ACTN1: variants seen among roughly 807,000 people sequenced by gnomAD.
The protein encoded by ACTN1 is alpha-actinin-1.
Under a neutral mutation model 119.6 loss-of-function variants are expected in ACTN1, and 30 were observed. That is an observed-to-expected ratio of 0.25 (90% CI 0.19 to 0.34). The LOEUF (loss-of-function observed/expected upper bound fraction) is 0.34. ACTN1 is among the 10% of genes least tolerant of loss of function. The pLI is 1.00. For synonymous variants in ACTN1, 429 were observed against 472.6 expected (o/e 0.91, Z 1.20); for missense variants, 764 against 1,223.4 (o/e 0.62, Z 5.60).
rs769304752 is a variant in ACTN1 at position 68,878,919 on chromosome 14, A to G, written c.2361+70T>C. The G allele has an allele frequency of 6.2e-7, 1 of 1,608,156 alleles. No individual in the cohort carries two copies. The highest frequency in any genetic ancestry group is 2.2e-5 in the East Asian group (1 of 44,672). On this transcript the variant is annotated intron_variant, in intron 19 of 21. Coordinates refer to ENST00000394419, the MANE Select transcript of ACTN1 (RefSeq NM_001130004.2). This position sits in a 1 kb window ranked among gnomAD's most constrained non-coding sequence, Gnocchi z 4.4. Reference sequence around the variant, plus strand: ...AGGAGATCCAGACAGAGAGAAGAGAAAAAGGAAAAACGCATTATTTCTTGC... The same window carrying G: ...AGGAGATCCAGACAGAGAGAAGAGAGAAAGGAAAAACGCATTATTTCTTGC...
intron 3 of ACTN1, among the ~76,000 whole-genome samples, chr14:68,912,552 T>C (rs536644000): frequency 6.6e-6 from 1 of 152,184 alleles, no homozygotes; most frequent in East Asian, 1.9e-4. Flanking sequence ...AATTTTTTCA[T>C]TTTTTGTAGA....
intron 1 of ACTN1, among the ~76,000 whole-genome samples, chr14:68,951,050 G>A (rs1406081218): frequency 2.0e-5 from 3 of 152,184 alleles, no homozygotes; most frequent in Non-Finnish European, 1.5e-5. Context: ...CTCCCAAGAA[G>A]CGACGAAGGC....
intron 3 of ACTN1, among the ~76,000 whole-genome samples, chr14:68,913,697 A>G (rs2034130975): frequency 6.6e-6 from 1 of 152,206 alleles, no homozygotes; most frequent in African/African-American, 2.4e-5. Context: ...TGAGCAAAGG[A>G]ACAAGTGTCC....
intron 21 of ACTN1, among the ~76,000 whole-genome samples, chr14:68,875,999 C>A (rs367626817): frequency 4.6e-5 from 7 of 152,070 alleles, no homozygotes; most frequent in Non-Finnish European, 8.8e-5. Context: ...CTAACTGATT[C>A]TTTAAGGTTT....
intron 1 of ACTN1, among the ~76,000 whole-genome samples, chr14:68,963,394 GGCAA>G (rs2036602217): frequency 1.3e-5 from 2 of 152,182 alleles, no homozygotes; most frequent in Non-Finnish European, 2.9e-5. Context: ...AAGTCTGGGT[GGCAA>G]GCAGGTAGAT....
Position 68,979,280 on chromosome 14 carries a change from T to C in ACTN1, c.-224A>G, listed in dbSNP as rs1394097965. 2.1e-5 allele frequency: 7 copies of C among 332,512 alleles called. No individual in the cohort carries two copies. Among genetic ancestry groups the C allele is most frequent in the Admixed American group, 5.5e-5 (1 of 18,314 alleles). The allele number at this position is 332,512 out of a possible 1,614,324, so 20.6% of individuals were successfully genotyped here. A position where few individuals can be genotyped will look rare whatever the true frequency, so the allele number is the denominator to read the frequency against. ...GACTGCCTGCCTCTGGGCGGGCGCT[T>C]GGACCTAATCTCCACGCACACTGAA... On this transcript the variant is annotated 5_prime_UTR_variant, in exon 1 of 22. Transcript: ENST00000394419.
chr14:68,898,861 G>A (rs1390849237), intron 8 of ACTN1, among the ~76,000 whole-genome samples: 3 of 151,564 alleles, frequency 2.0e-5, no homozygotes, highest in African/African-American at 7.3e-5. Context: ...TTGGGAGGGG[G>A]AGCAGGCTGT....
intron 7 of ACTN1, among the ~76,000 whole-genome samples, chr14:68,904,375 G>A (rs975070144): frequency 4.6e-5 from 7 of 152,090 alleles, no homozygotes; most frequent in Admixed American, 2.6e-4. Flanking sequence ...CCCAGCACCC[G>A]CTATCCTGAC....
At chr14:68,875,904 G>C (rs958965933) in intron 21 of ACTN1, among the ~76,000 whole-genome samples, 5 of 152,224 alleles carry the variant, frequency 3.3e-5, no homozygotes, top group African/African-American at 1.2e-4. Flanking sequence ...CAGAACTTTA[G>C]GGACTTCTTT....
chr14:68,902,405 G>C lies in ACTN1; in HGVS notation c.762+72C>G, dbSNP rs143493318. 6,237 of 1,288,316 alleles carry C rather than the reference G, an allele frequency of 4.8e-3. 343 individuals carry two copies. In the Admixed American group the frequency reaches 0.098, roughly 20 times the overall value. 79.8% of individuals were successfully genotyped at this position (1,288,316 alleles called of 1,614,324 possible). A position where few individuals can be genotyped will look rare whatever the true frequency, so the allele number is the denominator to read the frequency against. On this transcript the variant is annotated intron_variant, in intron 8 of 21. Coordinates refer to ENST00000394419, the MANE Select transcript of ACTN1 (RefSeq NM_001130004.2). Reference sequence around the variant, plus strand: ...ACCTGTCACCAGGAGAGGTGGAGGCGGGCAGGAGGACATGGTTTGGGGTCC... The same window carrying C: ...ACCTGTCACCAGGAGAGGTGGAGGCCGGCAGGAGGACATGGTTTGGGGTCC...
chr14:68,938,516 C>T (rs1009874251), intron 1 of ACTN1, among the ~76,000 whole-genome samples: 4 of 152,090 alleles, frequency 2.6e-5, no homozygotes, highest in African/African-American at 4.8e-5. Flanking sequence ...GAATGAAAGA[C>T]GACCAAATTA....
At chr14:68,922,944 C>T (rs2034728167) in intron 2 of ACTN1, among the ~76,000 whole-genome samples, 1 of 152,208 alleles carries the variant, frequency 6.6e-6, no homozygotes, top group Non-Finnish European at 1.5e-5. Context: ...CCATCTCCAA[C>T]GATGATCAGG....
At chr14:68,902,399 G>T in intron 8 of ACTN1, 78 bp downstream of exon 8, 1 of 1,215,490 alleles carries the variant, frequency 8.2e-7, no homozygotes, top group Non-Finnish European at 1.2e-6. Context: ...CAGGAGAGGT[G>T]GAGGCGGGCA....
intron 1 of ACTN1, among the ~76,000 whole-genome samples, chr14:68,950,820 C>A (rs2036138025): frequency 6.6e-6 from 1 of 152,128 alleles, no homozygotes; most frequent in South Asian, 2.1e-4. Flanking sequence ...CTTGGCCTCC[C>A]AAAGTGCTGG....
chr14:68,881,955 T>TTTTTTTTTTTTTTTTGA lies in ACTN1; in HGVS notation c.1953+502_1953+503insTCAAAAAAAAAAAAAAA, dbSNP rs58500225. Among the ~76,000 whole-genome samples the TTTTTTTTTTTTTTTTGA allele has an allele frequency of 1.2e-3, 128 of 102,956 alleles. 13 individuals are homozygous for TTTTTTTTTTTTTTTTGA. The highest frequency in any genetic ancestry group is 2.4e-3 in the African/African-American group (55 of 22,898). 67.5% of individuals were successfully genotyped at this position (102,956 alleles called of 152,430 possible). A position where few individuals can be genotyped will look rare whatever the true frequency, so the allele number is the denominator to read the frequency against. On this transcript the variant is annotated intron_variant, in intron 16 of 21. Transcript: ENST00000394419. ...CAGCTTCTTTTTTTTTTTTTTTTTT[T>TTTTTTTTTTTTTTTTGA]GACAGAGTCTTGCTCTGTTGCCCAA... is the stretch of plus-strand genomic sequence containing the variant.
chr14:68,880,477 A>T lies in ACTN1; in HGVS notation c.2133+333T>A, dbSNP rs2031403534. 6.6e-6 allele frequency among the ~76,000 whole-genome samples: 1 copy of T among 150,614 alleles called. No individual in the cohort carries two copies. The highest frequency in any genetic ancestry group is 1.5e-5 in the Non-Finnish European group (1 of 67,712). On this transcript the variant is annotated intron_variant, in intron 17 of 21. Coordinates refer to ENST00000394419, the MANE Select transcript of ACTN1 (RefSeq NM_001130004.2). The surrounding 1 kb of genome is among the most constrained non-coding windows in gnomAD (Gnocchi z 4.6). Reference sequence around the variant, plus strand: ...CGCACACACACATACACACACACACACTCTTGCACAGTTAAAACAAGTAGC... The same window carrying T: ...CGCACACACACATACACACACACACTCTCTTGCACAGTTAAAACAAGTAGC...
chr14:68,915,019 C>A (rs1424581327), intron 3 of ACTN1, among the ~76,000 whole-genome samples: 1 of 152,174 alleles, frequency 6.6e-6, no homozygotes, highest in African/African-American at 2.4e-5. Flanking sequence ...AAAGGAAATG[C>A]AGAGTAAGGT....
In ACTN1 at chr14:68,879,848, C is replaced by T; in HGVS notation, c.2280+114G>A. 1.4e-6 allele frequency: 2 copies of T among 1,450,290 alleles called. No individual in the cohort carries two copies. 89.8% of individuals were successfully genotyped at this position (1,450,290 alleles called of 1,614,324 possible). ...GTCAGGGCAGGCTGACGGCAGTTTC[C>T]CCTTTCTCTCCCTCCTCACTTGCAT... On this transcript the variant is annotated intron_variant, in intron 18 of 21. Coordinates refer to ENST00000394419, the MANE Select transcript of ACTN1 (RefSeq NM_001130004.2). This position sits in a 1 kb window ranked among gnomAD's most constrained non-coding sequence, Gnocchi z 4.9.
chr14:68,975,193 G>A (rs908146048), intron 1 of ACTN1, among the ~76,000 whole-genome samples: 1 of 152,158 alleles, frequency 6.6e-6, no homozygotes, highest in Non-Finnish European at 1.5e-5. Context: ...ATCGGGATGT[G>A]GGCCTTATTC....
Sources: allele counts gnomAD v4.1 joint callset (sites outside exome capture counted in the v4.1 genomes callset), GRCh38; gene constraint gnomAD v4.1.1; non-coding constraint Gnocchi (gnomAD v3.1); transcripts MANE v1.5; gene names NCBI Gene and HGNC (gene_info 2026-07-23, HGNC 2026-07-21).